Variants in STAT1 observed in about 807,000 individuals in gnomAD.
The protein encoded by STAT1 is signal transducer and activator of transcription 1-alpha/beta.
A neutral mutation model predicts 111.7 loss-of-function variants in STAT1; 24 were observed. The observed-to-expected ratio is 0.21, with a 90% CI of 0.16 to 0.30. The LOEUF (loss-of-function observed/expected upper bound fraction) is 0.30, where lower values mean the gene tolerates loss of function less well. STAT1 is among the 10% of genes least tolerant of loss of function. The pLI is 1.00. For synonymous variants in STAT1, 332 were observed against 326.5 expected (o/e 1.02, Z -0.18); for missense variants, 351 against 911.9 (o/e 0.38, Z 7.92).
chr2:190,969,300 A>G lies in STAT1; in HGVS notation c.*1403T>C, dbSNP rs1691279882. ...GTGCCACGGAAAGCACTGTGTGCAT[A>G]TTATATTTAATGCAATACAGATACT... On this transcript the variant is annotated 3_prime_UTR_variant, in exon 25 of 25. Coordinates refer to ENST00000361099, the MANE Select transcript of STAT1 (RefSeq NM_007315.4). The G allele has an allele frequency of 6.6e-6, 1 of 152,190 alleles. No individual in the cohort carries two copies. Among genetic ancestry groups the G allele is most frequent in the Admixed American group, 6.5e-5 (1 of 15,270 alleles). The allele number at this position is 152,190 out of a possible 1,614,324, so 9.4% of individuals were successfully genotyped here.
intron 2 of STAT1, among the ~76,000 whole-genome samples, chr2:191,011,627 G>T (rs1042108951): frequency 1.3e-5 from 2 of 152,092 alleles, no homozygotes; most frequent in African/African-American, 2.4e-5. Flanking sequence ...ATTCCCATGT[G>T]TTAAGGGCGG....
rs1419076716 is a variant in STAT1, at chr2:191,012,500, C to T, written c.-2+1025G>A. ...CTACTCACAAAACCTGTTACCAACT[C>T]AGGGAGTGGCATGGCCATCTCCCAG... On this transcript the variant is annotated intron_variant, in intron 2 of 24. Coordinates refer to ENST00000361099, the MANE Select transcript of STAT1 (RefSeq NM_007315.4). The surrounding 1 kb of genome is among the most constrained non-coding windows in gnomAD (Gnocchi z 4.0). 6.6e-6 allele frequency among the ~76,000 whole-genome samples: 1 copy of T among 152,126 alleles called. No homozygotes were observed. The highest frequency in any genetic ancestry group is 1.5e-5 in the Non-Finnish European group (1 of 68,026).
In STAT1 at chr2:190,995,270, G is replaced by C; in HGVS notation, c.786-51C>G. The stretch of plus-strand genomic sequence containing the variant: ...CTCTATGAGAAACAGTCCAGAAGCA[G>C]CCTGGATTAAAGGGAATCATGGTAT... On this transcript the variant is annotated intron_variant, in intron 9 of 24. Coordinates refer to ENST00000361099, the MANE Select transcript of STAT1 (RefSeq NM_007315.4). The surrounding 1 kb of genome is among the most constrained non-coding windows in gnomAD (Gnocchi z 4.2). The C allele has an allele frequency of 6.3e-7, 1 of 1,577,732 alleles. No homozygotes were observed.
Position 190,976,785 on chromosome 2 carries a change from C to A in STAT1, c.2059+55G>T, listed in dbSNP as rs1236435938. On this transcript the variant is annotated intron_variant, in intron 22 of 24. Transcript: ENST00000361099. This position sits in a 1 kb window ranked among gnomAD's most constrained non-coding sequence, Gnocchi z 6.0. The stretch of plus-strand genomic sequence containing the variant: ...CATGGGTGGAGTTTCAGAATAATCA[C>A]CCCCTCATCAGGAAAGACTGTGCCA... 1.4e-6 allele frequency: 2 copies of A among 1,467,630 alleles called. No individual in the cohort carries two copies. The highest frequency in any genetic ancestry group is 1.4e-5 in the African/African-American group (1 of 71,774). 90.9% of individuals were successfully genotyped at this position (1,467,630 alleles called of 1,614,324 possible). A position where few individuals can be genotyped will look rare whatever the true frequency, so the allele number is the denominator to read the frequency against.
Position 191,012,230 on chromosome 2 carries a change from T to C in STAT1, c.-2+1295A>G, listed in dbSNP as rs1288410031. Among the ~76,000 whole-genome samples the C allele has an allele frequency of 1.3e-5, 2 of 151,654 alleles. No homozygotes were observed. Among genetic ancestry groups the C allele is most frequent in the East Asian group, 2.0e-4 (1 of 5,072 alleles). On this transcript the variant is annotated intron_variant, in intron 2 of 24. Coordinates refer to ENST00000361099, the MANE Select transcript of STAT1 (RefSeq NM_007315.4). The surrounding 1 kb of genome is among the most constrained non-coding windows in gnomAD (Gnocchi z 4.0). ...GAGTTCAAGACCAGCCTGGGCAACA[T>C]GGTGAAACCTTGTCTCTACTAAAAT...
chr2:190,978,954 T>G lies in STAT1; in HGVS notation c.1775A>C (p.Lys592Thr). 1 of 1,614,190 alleles carries G rather than the reference T, an allele frequency of 6.2e-7. No homozygotes were observed. The highest frequency in any genetic ancestry group is 8.5e-7 in the Non-Finnish European group (1 of 1,180,030). Residue 592 changes from lysine to threonine, a missense_variant, in exon 21 of 25, where the codon AAG becomes ACG. Transcript: ENST00000361099. This position sits in a 1 kb window ranked among gnomAD's most constrained non-coding sequence, Gnocchi z 6.1. ...CAGGAAGGTCCCCGGCTGCTGGTCC[T>G]TCAACAGGGCACGCTCTCGCTCCTT... ...ISKERERALL[K>T]DQQPGTFLLR...
Position 191,009,088 on chromosome 2 carries a change from C to T in STAT1, c.148G>A (p.Val50Ile). Residue 50 changes from valine (V) to isoleucine (I), a missense_variant, in exon 4 of 25, where the codon GTT (valine) becomes ATT (isoleucine). Val to Ile is a conservative substitution (Grantham distance 29). Transcript: ENST00000361099. ...TGAAAACGGATGGTGGCAAATGAAA[C>T]ATCATTGGCAGCGTGCTCCCTAGGA... ...KQDWEHAAND[V>I]SFATIRFHDL... The T allele has an allele frequency of 6.2e-7, 1 of 1,614,110 alleles. No individual in the cohort carries two copies. Among genetic ancestry groups the T allele is most frequent in the Non-Finnish European group, 8.5e-7 (1 of 1,179,976 alleles).
At position 190,999,190 on chromosome 2, in the gene STAT1, C is replaced by T. The variant is rs1694076554; in HGVS notation, c.541+436G>A. Among the ~76,000 whole-genome samples the T allele has an allele frequency of 6.6e-6, 1 of 152,226 alleles. No homozygotes were observed. Among genetic ancestry groups the T allele is most frequent in the South Asian group, 2.1e-4 (1 of 4,818 alleles). ...CGTGGCCCTGCAACGTTTGAAGAAA[C>T]CTGAGATATTAGGGCAGGGGAACTC... is the stretch of plus-strand genomic sequence containing the variant. On this transcript the variant is annotated intron_variant, in intron 7 of 24. Coordinates refer to ENST00000361099, the MANE Select transcript of STAT1 (RefSeq NM_007315.4). This position sits in a 1 kb window ranked among gnomAD's most constrained non-coding sequence, Gnocchi z 4.1.
rs531066158 is a variant in STAT1, at chr2:190,984,146, C to A, written c.1347+164G>T. ...TTTGAAGGTTAATTCAATTGTCTAGCTTTCTGGACCATAAATTAAGGTTAA... is the reference window on the plus strand; with the variant it reads ...TTTGAAGGTTAATTCAATTGTCTAGATTTCTGGACCATAAATTAAGGTTAA... On this transcript the variant is annotated intron_variant, in intron 16 of 24. Coordinates refer to ENST00000361099, the MANE Select transcript of STAT1 (RefSeq NM_007315.4). The surrounding 1 kb of genome is among the most constrained non-coding windows in gnomAD (Gnocchi z 5.2). Among the ~76,000 whole-genome samples, 116 of 152,166 alleles carry A rather than the reference C, an allele frequency of 7.6e-4. No individual in the cohort carries two copies. Among genetic ancestry groups the A allele is most frequent in the Non-Finnish European group, 1.3e-3 (90 of 68,018 alleles).
At position 191,001,161 on chromosome 2, in the gene STAT1, A is replaced by T; in HGVS notation, c.375T>A (p.Ala125=). ...ILENAQRFNQ[A]QSGNIQSTVM... is the part of the protein sequence containing the mutation. ...CTGTGCTCTGAATATTCCCCGACTG[A>T]GCCTGTAATGGGAAGGGCATGATTA... Residue 125 remains alanine, a splice_region_variant and synonymous_variant, in exon 6 of 25, where the codon GCT becomes GCA. Transcript: ENST00000361099. The T allele has an allele frequency of 6.2e-7, 1 of 1,613,300 alleles. No homozygotes were observed. Among genetic ancestry groups the T allele is most frequent in the Non-Finnish European group, 8.5e-7 (1 of 1,179,280 alleles).
rs531576970 is a variant in STAT1 at position 191,011,036 on chromosome 2, G to A, written c.-1-1032C>T. On this transcript the variant is annotated intron_variant, in intron 2 of 24. Coordinates refer to ENST00000361099, the MANE Select transcript of STAT1 (RefSeq NM_007315.4). ...GCCAGACCTCTGGGGAAGGAGTCTG[G>A]ATTTTCAAGTAGGGCATGGAAGAGT... Among the ~76,000 whole-genome samples, 5 of 152,350 alleles carry A rather than the reference G, an allele frequency of 3.3e-5. 1 individual carries two copies. In the South Asian group the frequency reaches 1.0e-3, roughly 32 times the overall value.
At position 190,977,071 on chromosome 2, in the gene STAT1, T is replaced by C. The variant is rs770657430; in HGVS notation, c.1874-46A>G. On this transcript the variant is annotated intron_variant, in intron 21 of 24. Coordinates refer to ENST00000361099, the MANE Select transcript of STAT1 (RefSeq NM_007315.4). This position sits in a 1 kb window ranked among gnomAD's most constrained non-coding sequence, Gnocchi z 4.7. ...GTAAATCCCATAGAACATCCCAAAA[T>C]GAAAGAGGACAGAGAAATAAAACAC... The C allele has an allele frequency of 1.9e-6, 3 of 1,589,844 alleles. No homozygotes were observed. The highest frequency in any genetic ancestry group is 1.7e-5 in the Admixed American group (1 of 59,980).
At position 190,970,953 on chromosome 2, in the gene STAT1, A is replaced by AT. The variant is rs1378155604; in HGVS notation, c.2239-237dup. 1.3e-5 allele frequency among the ~76,000 whole-genome samples: 2 copies of AT among 152,220 alleles called. No homozygotes were observed. Among genetic ancestry groups the AT allele is most frequent in the Non-Finnish European group, 2.9e-5 (2 of 68,038 alleles). On this transcript the variant is annotated intron_variant, in intron 24 of 24. Transcript: ENST00000361099. This position sits in a 1 kb window ranked among gnomAD's most constrained non-coding sequence, Gnocchi z 5.4. ...TATTACTCTGCTGCCCACTGGCTTA[A>AT]TTTTGTGAATCCATCCAGACTGCAT...
chr2:190,984,323 A>C lies in STAT1; in HGVS notation c.1334T>G (p.Val445Gly). ...FETQLCQPGL[V>G]IDLETTSLPV... Reference sequence around the variant, plus strand: ...TAAAAGTCTTACCTCGAGGTCAATTACCAAACCAGGCTGGCACAATTGGGT... The same window carrying C: ...TAAAAGTCTTACCTCGAGGTCAATTCCCAAACCAGGCTGGCACAATTGGGT... The change falls in exon 16 of 25, where the codon GTA (valine) becomes GGA (glycine). Residue 445 changes from valine (V) to glycine (G), a missense_variant. Coordinates refer to ENST00000361099, the MANE Select transcript of STAT1 (RefSeq NM_007315.4). The surrounding 1 kb of genome is among the most constrained non-coding windows in gnomAD (Gnocchi z 5.2). 6.2e-7 allele frequency: 1 copy of C among 1,614,082 alleles called. No individual in the cohort carries two copies. The highest frequency in any genetic ancestry group is 8.5e-7 in the Non-Finnish European group (1 of 1,179,906).
Position 190,978,776 on chromosome 2 carries a change from T to C in STAT1, c.1873+80A>G. 1.9e-6 allele frequency: 3 copies of C among 1,565,948 alleles called. No individual in the cohort carries two copies. The highest frequency in any genetic ancestry group is 2.6e-6 in the Non-Finnish European group (3 of 1,151,154). ...AATTTCATGTCCCAAACGCACTATC[T>C]GTATGAGCTGACTGGCGGCGATGAA... On this transcript the variant is annotated intron_variant, in intron 21 of 24. Transcript: ENST00000361099. This position sits in a 1 kb window ranked among gnomAD's most constrained non-coding sequence, Gnocchi z 6.1.
At position 190,995,549 on chromosome 2, in the gene STAT1, C is replaced by A. The variant is rs539497123; in HGVS notation, c.786-330G>T. On this transcript the variant is annotated intron_variant, in intron 9 of 24. Coordinates refer to ENST00000361099, the MANE Select transcript of STAT1 (RefSeq NM_007315.4). This position sits in a 1 kb window ranked among gnomAD's most constrained non-coding sequence, Gnocchi z 4.2. Reference sequence around the variant, plus strand: ...ATGAGAACAGTATTGGGGGAACCACCCCCATGATTCAATTATCTCCACCTG... The same window carrying A: ...ATGAGAACAGTATTGGGGGAACCACACCCATGATTCAATTATCTCCACCTG... Among the ~76,000 whole-genome samples, 19 of 152,230 alleles carry A rather than the reference C, an allele frequency of 1.2e-4. No individual in the cohort carries two copies. The highest frequency in any genetic ancestry group is 4.1e-4 in the African/African-American group (17 of 41,540).
intron 3 of STAT1, among the ~76,000 whole-genome samples, chr2:191,009,475 C>T (rs1487035542): frequency 6.6e-6 from 1 of 152,088 alleles, no homozygotes; most frequent in Non-Finnish European, 1.5e-5. Context: ...AAAAAAATCC[C>T]CTTAATTTTA....
chr2:190,989,292 G>A lies in STAT1; in HGVS notation c.1097+323C>T, dbSNP rs958287360. 2.6e-5 allele frequency among the ~76,000 whole-genome samples: 4 copies of A among 152,198 alleles called. No homozygotes were observed. The highest frequency in any genetic ancestry group is 5.9e-5 in the Non-Finnish European group (4 of 68,034). Reference sequence around the variant, plus strand: ...TGCACAAAGAGACACTCACTCTTTTGTTCATTTATAGTCTAAAAAGGCACA... The same window carrying A: ...TGCACAAAGAGACACTCACTCTTTTATTCATTTATAGTCTAAAAAGGCACA... On this transcript the variant is annotated intron_variant, in intron 12 of 24. Coordinates refer to ENST00000361099, the MANE Select transcript of STAT1 (RefSeq NM_007315.4). The surrounding 1 kb of genome is among the most constrained non-coding windows in gnomAD (Gnocchi z 5.0).
Position 190,979,106 on chromosome 2 carries a change from C to A in STAT1, c.1728-105G>T. On this transcript the variant is annotated intron_variant, in intron 20 of 24. Coordinates refer to ENST00000361099, the MANE Select transcript of STAT1 (RefSeq NM_007315.4). This position sits in a 1 kb window ranked among gnomAD's most constrained non-coding sequence, Gnocchi z 5.8. Reference sequence around the variant, plus strand: ...AATGGCTGGAATGTGAGAAAAAAAACCTACGGTAAAAAACGTAGACTATTT... The same window carrying A: ...AATGGCTGGAATGTGAGAAAAAAAAACTACGGTAAAAAACGTAGACTATTT... 7.0e-7 allele frequency: 1 copy of A among 1,436,450 alleles called. No homozygotes were observed. The highest frequency in any genetic ancestry group is 9.6e-7 in the Non-Finnish European group (1 of 1,040,304). 89.0% of individuals were successfully genotyped at this position (1,436,450 alleles called of 1,614,324 possible).
Sources: allele counts gnomAD v4.1 joint callset (sites outside exome capture counted in the v4.1 genomes callset), GRCh38; gene constraint gnomAD v4.1.1; non-coding constraint Gnocchi (gnomAD v3.1); transcripts MANE v1.5; gene names NCBI Gene and HGNC (gene_info 2026-07-23, HGNC 2026-07-21).